GSG1L: variants seen among roughly 807,000 people sequenced by gnomAD.
GSG1L encodes GSG1 like, also known as germ cell-specific gene 1-like protein.
Under a neutral mutation model 42.1 loss-of-function variants are expected in GSG1L, and 24 were observed. That is an observed-to-expected ratio of 0.57 (90% CI 0.41 to 0.80). The LOEUF (loss-of-function observed/expected upper bound fraction) is 0.80, where lower values mean the gene tolerates loss of function less well. Among genes scored for constraint, GSG1L ranks in the 30% least tolerant of loss-of-function variants. The probability of loss-of-function intolerance (pLI) is 0.00; values close to 1 mark genes in which losing one functional copy is unlikely to be tolerated. For synonymous variants in GSG1L, 215 were observed against 203.5 expected (o/e 1.06, Z -0.48); for missense variants, 445 against 472.2 (o/e 0.94, Z 0.53).
intron 3 of GSG1L, among the ~76,000 whole-genome samples, chr16:27,881,979 T>C (rs1189799773): frequency 6.6e-6 from 1 of 152,144 alleles, no homozygotes; most frequent in Non-Finnish European, 1.5e-5. Context: ...ACTTCATCTG[T>C]GCTCCACCCT....
chr16:27,951,717 TC>T (rs1418771290), intron 2 of GSG1L, among the ~76,000 whole-genome samples: 1 of 152,162 alleles, frequency 6.6e-6, no homozygotes, highest in Non-Finnish European at 1.5e-5. Context: ...GGAGAGGGGC[TC>T]CCCTCTCTGC....
chr16:27,909,955 CTTTT>C (rs67729209), intron 2 of GSG1L, among the ~76,000 whole-genome samples: 4 of 129,922 alleles, frequency 3.1e-5, no homozygotes, highest in East Asian at 4.3e-4. Flanking sequence ...TCTTTTCTTT[CTTTT>C]TTTTTTTTTT....
At chr16:27,972,304 A>G (rs1483046637) in intron 1 of GSG1L, among the ~76,000 whole-genome samples, 1 of 152,246 alleles carries the variant, frequency 6.6e-6, no homozygotes, top group Non-Finnish European at 1.5e-5. Context: ...AGTCATAGAG[A>G]TGACATGAGG....
rs1043351408 is a variant in GSG1L at position 28,040,532 on chromosome 16, G to GA, written c.349+22543dup. Among the ~76,000 whole-genome samples, 8 of 152,014 alleles carry GA rather than the reference G, an allele frequency of 5.3e-5. No homozygotes were observed. The highest frequency in any genetic ancestry group is 1.9e-4 in the African/African-American group (8 of 41,394). ...CTCAACATCAATAATAATAATAATA[G>GA]AAAAAAATGGTGCCTGGCATACAGT... On this transcript the variant is annotated intron_variant, in intron 1 of 6. Coordinates refer to ENST00000447459, the MANE Select transcript of GSG1L (RefSeq NM_001109763.2). This position sits in a 1 kb window ranked among gnomAD's most constrained non-coding sequence, Gnocchi z 4.1.
At chr16:27,857,098 G>A (rs74013596) in intron 3 of GSG1L, among the ~76,000 whole-genome samples, 2,533 of 152,240 alleles carry the variant, frequency 0.017, 69 homozygotes, top group African/African-American at 0.058. Flanking sequence ...AATACTAGAC[G>A]CACCCTGTTT....
At chr16:27,915,415 T>G (rs1364403810) in intron 2 of GSG1L, among the ~76,000 whole-genome samples, 1 of 152,054 alleles carries the variant, frequency 6.6e-6, no homozygotes, top group Non-Finnish European at 1.5e-5. Flanking sequence ...GAGCCATAAA[T>G]AAAGATCAGA....
chr16:27,973,016 G>A (rs2085210693), intron 1 of GSG1L, among the ~76,000 whole-genome samples: 1 of 152,172 alleles, frequency 6.6e-6, no homozygotes, highest in Non-Finnish European at 1.5e-5. Context: ...GCAAATGCTG[G>A]CTCTGTCACT....
intron 6 of GSG1L, among the ~76,000 whole-genome samples, chr16:27,799,228 T>G (rs1190218291): frequency 6.9e-6 from 1 of 144,086 alleles, no homozygotes; most frequent in Admixed American, 6.9e-5. Context: ...AGACCCCATA[T>G]CTACCAAAAA....
chr16:27,803,766 C>CATATATATAT lies in GSG1L; in HGVS notation c.898+3711_898+3720dup, dbSNP rs3047681. ...TCTGATCCTTTTCCCACAGTGCAGA[C>CATATATATAT]ATATATATATATATATATATATATA... On this transcript the variant is annotated intron_variant, in intron 6 of 6. Transcript: ENST00000447459. 4.1e-3 allele frequency among the ~76,000 whole-genome samples: 480 copies of CATATATATAT among 117,730 alleles called. 2 individuals are homozygous for CATATATATAT. The highest frequency in any genetic ancestry group is 0.01 in the East Asian group (44 of 4,244). 77.2% of individuals were successfully genotyped at this position (117,730 alleles called of 152,430 possible).
At chr16:27,849,207 A>ACCCCC (rs1567485091) in intron 3 of GSG1L, among the ~76,000 whole-genome samples, 5 of 145,466 alleles carry the variant, frequency 3.4e-5, no homozygotes, top group African/African-American at 5.1e-5. Context: ...CAAAAAGAAA[A>ACCCCC]AAAAAAAAAA....
At chr16:27,929,162 G>A (rs1200724438) in intron 2 of GSG1L, among the ~76,000 whole-genome samples, 1 of 152,190 alleles carries the variant, frequency 6.6e-6, no homozygotes, top group African/African-American at 2.4e-5. Context: ...TGCGCTAGAA[G>A]GTAAATAAAT....
intron 2 of GSG1L, among the ~76,000 whole-genome samples, chr16:27,911,301 T>G (rs1255488259): frequency 1.3e-5 from 2 of 151,096 alleles, no homozygotes; most frequent in Non-Finnish European, 2.9e-5. Context: ...CTCTCCTCTC[T>G]CTCTTTTGAG....
intron 5 of GSG1L, among the ~76,000 whole-genome samples, chr16:27,815,083 T>C (rs541213351): frequency 2.6e-5 from 4 of 152,232 alleles, no homozygotes; most frequent in African/African-American, 9.6e-5. Flanking sequence ...TCATGAGCCA[T>C]CGCACCCAAC....
intron 1 of GSG1L, among the ~76,000 whole-genome samples, chr16:28,042,161 C>G (rs533263186): frequency 6.6e-6 from 1 of 152,060 alleles, no homozygotes. Context: ...ATGGGCTGGG[C>G]GCAGTGGTTC....
At chr16:27,881,929 G>A (rs2083962217) in intron 3 of GSG1L, among the ~76,000 whole-genome samples, 1 of 152,034 alleles carries the variant, frequency 6.6e-6, no homozygotes. Context: ...TATGACTCCT[G>A]CAGCCTCCTG....
intron 3 of GSG1L, among the ~76,000 whole-genome samples, chr16:27,865,324 C>T (rs955721348): frequency 6.6e-6 from 1 of 151,752 alleles, no homozygotes; most frequent in Non-Finnish European, 1.5e-5. Context: ...GTTCCTTTGG[C>T]TTGATACTGT....
chr16:27,800,712 T>C (rs1385318391), intron 6 of GSG1L, among the ~76,000 whole-genome samples: 3 of 152,184 alleles, frequency 2.0e-5, no homozygotes, highest in East Asian at 1.9e-4. Flanking sequence ...GTTTATGTAA[T>C]TGCTAATATA....
intron 2 of GSG1L, among the ~76,000 whole-genome samples, chr16:27,955,848 A>G (rs986018605): frequency 1.4e-5 from 2 of 146,548 alleles, no homozygotes; most frequent in African/African-American, 5.0e-5. Flanking sequence ...TTGAGTCAAA[A>G]TGGGGCTGCA....
chr16:27,795,361 C>T (rs2082806963), intron 6 of GSG1L, among the ~76,000 whole-genome samples: 1 of 152,172 alleles, frequency 6.6e-6, no homozygotes, highest in Admixed American at 6.5e-5. Flanking sequence ...GGAGACCGTA[C>T]TTCGGTCTAA....
Sources: gnomAD v4.1 joint callset for allele counts (sites outside exome capture counted in the v4.1 genomes callset) on GRCh38, gnomAD v4.1.1 for gene constraint, Gnocchi (gnomAD v3.1) non-coding constraint, MANE v1.5 for transcripts, NCBI Gene and HGNC (gene_info 2026-07-23, HGNC 2026-07-21) for gene names.